The following B4GALT1 variants were observed in gnomAD, a reference collection of about 807,000 sequenced individuals.
B4GALT1 encodes N-acetyllactosamine synthase.
In B4GALT1, 16 loss-of-function variants were observed where a neutral mutation model predicts 34.9. The observed-to-expected ratio is 0.46, with a 90% CI of 0.31 to 0.70. The LOEUF is 0.70. Among genes scored for constraint, B4GALT1 ranks in the 30% least tolerant of loss-of-function variants. The pLI is 0.05. For synonymous variants in B4GALT1, 221 were observed against 218.1 expected (o/e 1.01, Z -0.12); for missense variants, 445 against 530.5 (o/e 0.84, Z 1.58).
chr9:33,158,890 G>T (rs1450078157), intron 1 of B4GALT1, among the ~76,000 whole-genome samples: 4 of 152,206 alleles, frequency 2.6e-5, no homozygotes, highest in Non-Finnish European at 5.9e-5. Flanking sequence ...ATAAAAGTTT[G>T]CTGAATGAGG....
At chr9:33,105,880 G>GTTTTTTTTTTTTTTTTTTTTTTTTTTT (rs35330697), downstream of B4GALT1, among the ~76,000 whole-genome samples, 1 of 85,732 alleles carries the variant, frequency 1.2e-5, no homozygotes, top group Non-Finnish European at 2.1e-5. Flanking sequence ...GGACTCGTGG[G>GTTTTTTTTTTTTTTTTTTTTTTTTTTT]TTTTTTTTTT....
chr9:33,170,115 G>C (rs374011509), upstream of B4GALT1, among the ~76,000 whole-genome samples: 37 of 151,692 alleles, frequency 2.4e-4, no homozygotes, highest in African/African-American at 9.0e-4. Flanking sequence ...GACTACAGGT[G>C]CCTGCCACCA....
intron 2 of B4GALT1, among the ~76,000 whole-genome samples, chr9:33,130,488 G>T (rs13298273): frequency 8.1e-6 from 1 of 123,610 alleles, no homozygotes; most frequent in Admixed American, 8.3e-5. Flanking sequence ...GAGACCTTAA[G>T]GAAAAAGAGC....
At chr9:33,145,472 T>A (rs1172936772) in intron 1 of B4GALT1, among the ~76,000 whole-genome samples, 1 of 152,132 alleles carries the variant, frequency 6.6e-6, no homozygotes, top group African/African-American at 2.4e-5. Flanking sequence ...GCCAAGGGTA[T>A]CAAGGCCTAA....
chr9:33,170,852 G>A (rs550758010), upstream of B4GALT1, among the ~76,000 whole-genome samples: 5 of 152,290 alleles, frequency 3.3e-5, no homozygotes, highest in East Asian at 5.8e-4. Context: ...TCTCTACTTC[G>A]TCAGGTGAAA....
At chr9:33,164,899 A>G (rs1840725376) in intron 1 of B4GALT1, among the ~76,000 whole-genome samples, 1 of 152,116 alleles carries the variant, frequency 6.6e-6, no homozygotes, top group South Asian at 2.1e-4. Flanking sequence ...GTCTGAAAAA[A>G]TGAAACTTTT....
chr9:33,127,633 A>G (rs1242062942), intron 2 of B4GALT1, among the ~76,000 whole-genome samples: 1 of 152,248 alleles, frequency 6.6e-6, no homozygotes, highest in Admixed American at 6.5e-5. Flanking sequence ...AAAATTGGAC[A>G]TTACCTAAGG....
chr9:33,120,922 A>G (rs1405171606), intron 2 of B4GALT1, among the ~76,000 whole-genome samples: 1 of 152,232 alleles, frequency 6.6e-6, no homozygotes. Flanking sequence ...AAATCATAGT[A>G]CATCCATACA....
intron 4 of B4GALT1, 61 bp from the exon 5 acceptor site, chr9:33,113,939 C>T: frequency 6.7e-7 from 1 of 1,485,908 alleles, no homozygotes; most frequent in Non-Finnish European, 9.4e-7. Context: ...CCTGAGAGCC[C>T]CGGCTGCAAG....
chr9:33,115,871 T>G, intron 4 of B4GALT1, 120 bp downstream of exon 4: 1 of 1,310,602 alleles, frequency 7.6e-7, no homozygotes, highest in Non-Finnish European at 1.1e-6. Flanking sequence ...CCTAAGAATG[T>G]GGGCTGACTA....
At chr9:33,116,196 A>C in intron 3 of B4GALT1, 83 bp from the exon 4 acceptor site, 1 of 1,499,900 alleles carries the variant, frequency 6.7e-7, no homozygotes, top group Non-Finnish European at 9.1e-7. Context: ...GAGAACATAA[A>C]CACTTTTAAA....
chr9:33,118,731 A>G (rs979779946), intron 3 of B4GALT1, among the ~76,000 whole-genome samples: 2 of 152,154 alleles, frequency 1.3e-5, no homozygotes, highest in African/African-American at 4.8e-5. Context: ...TGTCTACATG[A>G]GCCAACCACA....
upstream of B4GALT1, among the ~76,000 whole-genome samples, chr9:33,169,518 ATT>A (rs10567394): frequency 0.21 from 28,079 of 132,512 alleles, 2,773 homozygotes; most frequent in Admixed American, 0.32. Context: ...AACTGCTTGA[ATT>A]TTTTTTTTTT....
chr9:33,127,233 G>A (rs1304653305), intron 2 of B4GALT1, among the ~76,000 whole-genome samples: 1 of 152,166 alleles, frequency 6.6e-6, no homozygotes, highest in Non-Finnish European at 1.5e-5. Context: ...AAAGTACTGG[G>A]ATTACAGGTG....
rs1045055969 is a variant in B4GALT1, at chr9:33,110,745, G to A, written c.*2709C>T. On this transcript the variant is annotated 3_prime_UTR_variant, in exon 6 of 6. Coordinates refer to ENST00000379731, the MANE Select transcript of B4GALT1 (RefSeq NM_001497.4). ...GATCAGACACAGCCCCCTACACAATGGTAAATACACACATTTGCATACACA... is the reference window on the plus strand; with the variant it reads ...GATCAGACACAGCCCCCTACACAATAGTAAATACACACATTTGCATACACA... 2.0e-5 allele frequency: 3 copies of A among 152,148 alleles called. No homozygotes were observed. Among genetic ancestry groups the A allele is most frequent in the African/African-American group, 7.2e-5 (3 of 41,400 alleles). 9.4% of individuals were successfully genotyped at this position (152,148 alleles called of 1,614,324 possible). A position where few individuals can be genotyped will look rare whatever the true frequency, so the allele number is the denominator to read the frequency against.
intron 1 of B4GALT1, among the ~76,000 whole-genome samples, chr9:33,164,529 T>A (rs73472938): frequency 0.023 from 3,530 of 152,320 alleles, 62 homozygotes; most frequent in Middle Eastern, 0.061. Context: ...GAGAAGGCAC[T>A]CTCTCCTCGT....
At chr9:33,156,969 T>C (rs150101845) in intron 1 of B4GALT1, among the ~76,000 whole-genome samples, 2 of 152,148 alleles carry the variant, frequency 1.3e-5, no homozygotes, top group East Asian at 3.9e-4. Flanking sequence ...GCTCCTTTTG[T>C]GGACACAGAG....
chr9:33,158,849 A>C (rs1011002102), intron 1 of B4GALT1, among the ~76,000 whole-genome samples: 1 of 152,168 alleles, frequency 6.6e-6, no homozygotes, highest in Non-Finnish European at 1.5e-5. Context: ...GTTCATGTCT[A>C]TCTCTCACAC....
chr9:33,173,079 G>A, the B4GALT1 span, among the ~76,000 whole-genome samples: 35 of 152,124 alleles, frequency 2.3e-4, no homozygotes, highest in Admixed American at 2.3e-3. Flanking sequence ...ATGTGATGAA[G>A]AGAGTGTTGA....
Sources: allele counts gnomAD v4.1 joint callset (sites outside exome capture counted in the v4.1 genomes callset), GRCh38; gene constraint gnomAD v4.1.1; transcripts MANE v1.5; gene names NCBI Gene and HGNC (gene_info 2026-07-23, HGNC 2026-07-21).